Variants in ERICH6B observed in about 807,000 individuals in gnomAD.
The protein encoded by ERICH6B is glutamate-rich protein 6B.
In ERICH6B, 69 loss-of-function variants were observed where a neutral mutation model predicts 80.0. The ratio of observed to expected loss-of-function variants is 0.86; its 90% CI spans 0.71 to 1.05. The LOEUF (loss-of-function observed/expected upper bound fraction) is 1.05, where lower values mean the gene tolerates loss of function less well. Among genes scored for constraint, ERICH6B ranks in the 50% least tolerant of loss-of-function variants. ERICH6B has a pLI of 0.00. For synonymous variants in ERICH6B, 283 were observed against 291.9 expected, an observed-to-expected ratio of 0.97 and a Z score of 0.31; for missense variants, 754 against 796.1, an observed-to-expected ratio of 0.95 and a Z score of 0.64.
chr13:45,613,403 G>C (rs1472636961), intron 1 of ERICH6B, among the ~76,000 whole-genome samples: 1 of 152,052 alleles, frequency 6.6e-6, no homozygotes, highest in Admixed American at 6.5e-5. Context: ...GAGGAATATT[G>C]ACAGTGTTTA....
intron 13 of ERICH6B, 39 bp from the exon 14 acceptor site, chr13:45,545,024 C>T: frequency 6.8e-7 from 1 of 1,480,238 alleles, no homozygotes; most frequent in Non-Finnish European, 9.2e-7. Context: ...CCAGGGCGCT[C>T]AGCCCTGGGC....
rs9595346 is a variant in ERICH6B at position 45,611,542 on chromosome 13, T to C, written c.-110-3927A>G. 5.1e-3 allele frequency among the ~76,000 whole-genome samples: 770 copies of C among 152,264 alleles called. 4 individuals are homozygous for C. Among genetic ancestry groups the C allele is most frequent in the African/African-American group, 0.017 (708 of 41,548 alleles). On this transcript the variant is annotated intron_variant, in intron 1 of 14. Coordinates refer to ENST00000298738, the MANE Select transcript of ERICH6B (RefSeq NM_182542.3). ...TGCAAAACCTTTATAGAAAAGACAG[T>C]TTCCTCAGTCAGGAATTGCATCTAG...
intron 2 of ERICH6B, among the ~76,000 whole-genome samples, chr13:45,606,494 A>G (rs1949860421): frequency 4.3e-5 from 1 of 23,238 alleles, no homozygotes; most frequent in East Asian, 1.2e-3. Flanking sequence ...TGAGATCCCA[A>G]AAGTGTATGT....
At chr13:45,607,381 T>C (rs1176372177) in intron 2 of ERICH6B, among the ~76,000 whole-genome samples, 183 bp downstream of exon 2, 1 of 152,224 alleles carries the variant, frequency 6.6e-6, no homozygotes, top group African/African-American at 2.4e-5. Flanking sequence ...ATGCAATGCA[T>C]TGAAAATGCT....
intron 1 of ERICH6B, among the ~76,000 whole-genome samples, chr13:45,613,442 C>T (rs1949910907): frequency 6.6e-6 from 1 of 152,042 alleles, no homozygotes; most frequent in South Asian, 2.1e-4. Context: ...TGAACATGAT[C>T]AGGTGTAGCT....
At chr13:45,602,759 G>A (rs942885) in intron 2 of ERICH6B, among the ~76,000 whole-genome samples, 4,104 of 152,120 alleles carry the variant, frequency 0.027, 170 homozygotes, top group African/African-American at 0.093. Flanking sequence ...GAGCAGTCTG[G>A]CTCCTTCTTC....
intron 8 of ERICH6B, among the ~76,000 whole-genome samples, chr13:45,568,852 A>C (rs1030670512): frequency 7.4e-6 from 1 of 134,302 alleles, no homozygotes; most frequent in African/African-American, 4.1e-5. Context: ...ATTTCCTTAA[A>C]ATTTTTTTTT....
chr13:45,574,646 TG>T, intron 8 of ERICH6B, among the ~76,000 whole-genome samples, 195 bp downstream of exon 8: 1 of 152,260 alleles, frequency 6.6e-6, no homozygotes, highest in South Asian at 2.1e-4. Flanking sequence ...AGGCTTTCCT[TG>T]GGGCTTTTCT....
At chr13:45,568,536 C>G in intron 8 of ERICH6B, 85 bp from the exon 9 acceptor site, 1 of 1,237,862 alleles carries the variant, frequency 8.1e-7, no homozygotes, top group Non-Finnish European at 1.1e-6. Context: ...CTCAAAGGTA[C>G]TGTGTGACAC....
At chr13:45,590,725 T>C in intron 3 of ERICH6B, 28 bp from the exon 4 acceptor site, 11 of 1,541,118 alleles carry the variant, frequency 7.1e-6, no homozygotes, top group Non-Finnish European at 9.7e-6. Context: ...AAAAAAGCAA[T>C]ATTGGCAAAA....
At chr13:45,569,181 A>G (rs1875048812) in intron 8 of ERICH6B, among the ~76,000 whole-genome samples, 1 of 151,986 alleles carries the variant, frequency 6.6e-6, no homozygotes, top group Non-Finnish European at 1.5e-5. Flanking sequence ...GCTGGAGTGC[A>G]GTGGCACAAT....
chr13:45,554,063 G>A (rs1874334862), intron 11 of ERICH6B, among the ~76,000 whole-genome samples: 1 of 152,062 alleles, frequency 6.6e-6, no homozygotes, highest in Admixed American at 6.5e-5. Flanking sequence ...TCCCCATGAT[G>A]TACAATAGAC....
At chr13:45,551,839 T>C (rs1434961418) in intron 11 of ERICH6B, among the ~76,000 whole-genome samples, 1 of 152,150 alleles carries the variant, frequency 6.6e-6, no homozygotes, top group African/African-American at 2.4e-5. Flanking sequence ...TTTTCCACCA[T>C]GGGATGATGA....
At chr13:45,552,101 G>C (rs891043294) in intron 11 of ERICH6B, among the ~76,000 whole-genome samples, 2 of 152,034 alleles carry the variant, frequency 1.3e-5, no homozygotes, top group African/African-American at 4.8e-5. Flanking sequence ...TATTTACAAG[G>C]GTGTTCTTAA....
At chr13:45,572,205 T>C (rs1875201998) in intron 8 of ERICH6B, among the ~76,000 whole-genome samples, 1 of 152,234 alleles carries the variant, frequency 6.6e-6, no homozygotes, top group African/African-American at 2.4e-5. Context: ...CTTCTTGTCC[T>C]CTTCAGCTTT....
chr13:45,606,532 TATATATATATA>T (rs1949864712), intron 2 of ERICH6B, among the ~76,000 whole-genome samples: 6 of 25,002 alleles, frequency 2.4e-4, no homozygotes, highest in Admixed American at 5.8e-4. Flanking sequence ...TATATATATA[TATATATATATA>T]TATATTTTTT....
intron 8 of ERICH6B, among the ~76,000 whole-genome samples, chr13:45,573,455 T>C (rs1203329426): frequency 6.6e-6 from 1 of 152,224 alleles, no homozygotes; most frequent in Non-Finnish European, 1.5e-5. Context: ...TTGAGACATT[T>C]ATTTCATAGC....
chr13:45,590,838 TG>T (rs1876127702), intron 3 of ERICH6B, 141 bp from the exon 4 acceptor site: 1 of 628,744 alleles, frequency 1.6e-6, no homozygotes. Context: ...TGTCTCTTAA[TG>T]GTTTCCTTTA....
intron 5 of ERICH6B, among the ~76,000 whole-genome samples, chr13:45,582,929 T>C (rs894633044): frequency 7.2e-5 from 11 of 152,214 alleles, no homozygotes; most frequent in Non-Finnish European, 1.0e-4. Context: ...TTTCTTGTGG[T>C]CATTTTGCTC....
Sources: allele counts gnomAD v4.1 joint callset (sites outside exome capture counted in the v4.1 genomes callset), GRCh38; gene constraint gnomAD v4.1.1; transcripts MANE v1.5; gene names NCBI Gene and HGNC (gene_info 2026-07-23, HGNC 2026-07-21).